PRSS54: variants seen among roughly 807,000 people sequenced by gnomAD.
PRSS54 encodes the protein serine protease 54, also known as inactive serine protease 54.
In PRSS54, 16 loss-of-function variants were observed where a neutral mutation model predicts 19.9. The observed-to-expected ratio is 0.80, with a 90% CI of 0.54 to 1.22. The LOEUF is 1.22. PRSS54 is among the 50% of genes most tolerant of loss of function. PRSS54 has a pLI of 0.00. For synonymous variants in PRSS54, 177 were observed against 195.8 expected (o/e 0.90, Z 0.80); for missense variants, 444 against 494.8 (o/e 0.90, Z 0.97).
At position 58,285,955 on chromosome 16, in the gene PRSS54, T is replaced by C; in HGVS notation, c.504A>G (p.Gly168=). 6.2e-7 allele frequency: 1 copy of C among 1,614,156 alleles called. No homozygotes were observed. The change falls in exon 5 of 7, where the codon GGA becomes GGG. Residue 168 remains glycine, a synonymous_variant. Transcript: ENST00000567164. ...PPVLQNCWVS[G]WNPTSATGNH... ...CCTTAACTGCAGATGTGGGATTCCA[T>C]CCTGACACCCAGCAGTTCTGCAAGA...
rs1473874434 is a variant in PRSS54 at position 58,293,732 on chromosome 16, T to A, written c.85A>T (p.Ser29Cys). 2.5e-6 allele frequency: 4 copies of A among 1,612,006 alleles called. No individual in the cohort carries two copies. The highest frequency in any genetic ancestry group is 1.3e-5 in the African/African-American group (1 of 74,842). The change falls in exon 3 of 7, where the codon AGT (serine) becomes TGT (cysteine). Residue 29 changes from serine to cysteine, a missense_variant and splice_region_variant. Coordinates refer to ENST00000567164, the MANE Select transcript of PRSS54 (RefSeq NM_001305173.2). ...AGAGGGAGGAAAGCAGCACACTCAC[T>A]GGTGGAAGAATAGAGAAGGCCGAGC... ...VLLGLLYSST[S>C]CGVQKASVFY...
chr16:58,293,641 T>C, intron 3 of PRSS54, 91 bp downstream of exon 3: 1 of 1,544,934 alleles, frequency 6.5e-7, no homozygotes, highest in Non-Finnish European at 8.7e-7. Context: ...AGCCCCTCCT[T>C]GGACATTAAG....
chr16:58,289,588 T>TG (rs1964993047), intron 4 of PRSS54, among the ~76,000 whole-genome samples: 1 of 151,516 alleles, frequency 6.6e-6, no homozygotes, highest in Non-Finnish European at 1.5e-5. Flanking sequence ...TTTTTTTTTT[T>TG]GGACATGGAA....
rs145245937 is a variant in PRSS54 at position 58,288,423 on chromosome 16, C to CAA, written c.264-2230_264-2229dup. 3.3e-5 allele frequency among the ~76,000 whole-genome samples: 5 copies of CAA among 150,328 alleles called. No individual in the cohort carries two copies. The South Asian group carries it at 8.4e-4, about 25-fold the overall frequency. ...CCTAGGCAACAGAGCAAGATTGTCT[C>CAA]AAAAAAAAATTAAATTATATAAAAT... On this transcript the variant is annotated intron_variant, in intron 4 of 6. Transcript: ENST00000567164.
intron 3 of PRSS54, among the ~76,000 whole-genome samples, chr16:58,292,549 C>A (rs561836844): frequency 1.2e-5 from 1 of 82,088 alleles, no homozygotes; most frequent in East Asian, 2.8e-4. Flanking sequence ...GCACAGAGGA[C>A]CTCTCCATGA....
At chr16:58,288,955 G>A (rs1439546090) in intron 4 of PRSS54, among the ~76,000 whole-genome samples, 2 of 152,288 alleles carry the variant, frequency 1.3e-5, no homozygotes, top group East Asian at 3.9e-4. Context: ...GAACTCAATT[G>A]CGTTCTCTTG....
At chr16:58,285,564 C>A (rs1051935319) in intron 5 of PRSS54, among the ~76,000 whole-genome samples, 1 of 151,838 alleles carries the variant, frequency 6.6e-6, no homozygotes, top group African/African-American at 2.4e-5. Flanking sequence ...TAGCAAGACC[C>A]CATTTCCACA....
In PRSS54 at chr16:58,290,973, G is replaced by A. The variant is rs368096228; in HGVS notation, c.249C>T (p.Ser83=). The A allele has an allele frequency of 7.4e-6, 12 of 1,614,188 alleles. No individual in the cohort carries two copies. Among genetic ancestry groups the A allele is most frequent in the South Asian group, 5.5e-5 (5 of 91,084 alleles). ...LSEFWVLSIA[S]AIQNRKDIVV... is the part of the protein sequence containing the mutation. ...GGGGCACTGGCCTGTTCTGAATGGC[G>A]GATGCGATGCTGAGGACCCAGAACT... The change falls in exon 4 of 7, where the codon TCC becomes TCT. Residue 83 remains serine (S), a synonymous_variant. Transcript: ENST00000567164.
chr16:58,286,205 GAGCAAGGGAATCTTGAGAAGCCAAGAC>G lies in PRSS54; in HGVS notation c.264-37_264-11del. 2 of 1,612,846 alleles carry G rather than the reference GAGCAAGGGAATCTTGAGAAGCCAAGAC, an allele frequency of 1.2e-6. No homozygotes were observed. The highest frequency in any genetic ancestry group is 1.7e-6 in the Non-Finnish European group (2 of 1,178,990). On this transcript the variant is annotated splice_polypyrimidine_tract_variant and intron_variant, in intron 4 of 6. Coordinates refer to ENST00000567164, the MANE Select transcript of PRSS54 (RefSeq NM_001305173.2). ...AACGACAATGTCCTTCCTGGAGAGA[GAGCAAGGGAATCTTGAGAAGCCAAGAC>G]AGCAAGGAAGCTTCACGCTTCCCTG...
intron 1 of PRSS54, among the ~76,000 whole-genome samples, chr16:58,294,461 CT>C (rs1434127510): frequency 1.3e-5 from 2 of 152,212 alleles, no homozygotes; most frequent in Non-Finnish European, 2.9e-5. Context: ...AGCGATTTTC[CT>C]GCCTCAGCTT....
intron 4 of PRSS54, among the ~76,000 whole-genome samples, chr16:58,287,608 T>A (rs1196859939): frequency 6.6e-6 from 1 of 152,236 alleles, no homozygotes; most frequent in African/African-American, 2.4e-5. Flanking sequence ...TTATGCATGT[T>A]GGCCAAAACC....
At chr16:58,284,545 A>G in intron 6 of PRSS54, 45 bp downstream of exon 6, 4 of 1,611,308 alleles carry the variant, frequency 2.5e-6, no homozygotes, top group Non-Finnish European at 3.4e-6. Flanking sequence ...GGATGTGACC[A>G]AGGCTTACTC....
rs1389808268 is a variant in PRSS54, at chr16:58,293,743, T to C, written c.74A>G (p.Tyr25Cys). The C allele has an allele frequency of 3.7e-6, 6 of 1,612,578 alleles. No individual in the cohort carries two copies. The highest frequency in any genetic ancestry group is 1.7e-5 in the Admixed American group (1 of 59,854). Residue 25 changes from tyrosine to cysteine, a missense_variant, in exon 3 of 7, where the codon TAT becomes TGT. Transcript: ENST00000567164. ...AGCAGCACACTCACTGGTGGAAGAA[T>C]AGAGAAGGCCGAGCAGCACCAGGAG... is the stretch of plus-strand genomic sequence containing the variant. ...GVLLVLLGLL[Y>C]SSTSCGVQKA...
intron 3 of PRSS54, among the ~76,000 whole-genome samples, chr16:58,291,775 G>A (rs925015064): frequency 3.3e-5 from 5 of 151,766 alleles, no homozygotes; most frequent in African/African-American, 4.8e-5. Flanking sequence ...GAGCCACTGC[G>A]CCCAACTTTA....
intron 4 of PRSS54, 135 bp from the exon 5 acceptor site, chr16:58,286,330 C>A: frequency 1.1e-6 from 1 of 886,352 alleles, no homozygotes; most frequent in Non-Finnish European, 1.7e-6. Context: ...CTTCCTCACC[C>A]CTTTGGACTC....
intron 4 of PRSS54, 94 bp downstream of exon 4, chr16:58,290,865 A>G (rs969311284): frequency 1.4e-6 from 2 of 1,398,958 alleles, no homozygotes; most frequent in Non-Finnish European, 2.0e-6. Context: ...CCCAGAATGC[A>G]CCTTTCAGGG....
At position 58,291,119 on chromosome 16, in the gene PRSS54, C is replaced by G. The variant is rs768356639; in HGVS notation, c.103G>C (p.Ala35Pro). The G allele has an allele frequency of 6.2e-7, 1 of 1,614,016 alleles. No homozygotes were observed. The change falls in exon 4 of 7, where the codon GCT (alanine) becomes CCT (proline). Residue 35 changes from alanine (A) to proline (P), a missense_variant. By Grantham distance (27) the Ala-to-Pro change is conservative. Transcript: ENST00000567164. ...YSSTSCGVQK[A>P]SVFYGPDPKE... ...GGGTCAGGACCGTAGAAAACGGAAG[C>G]TTTCTGGACGCCACAACCTGCGGAG...
intron 6 of PRSS54, chr16:58,282,427 T>C (rs558375357): frequency 1.3e-5 from 2 of 152,422 alleles, no homozygotes; most frequent in South Asian, 4.1e-4. Flanking sequence ...TGAACTACCA[T>C]GCCCAGTGGG....
At chr16:58,281,672 G>A (rs1020002989) in intron 6 of PRSS54, 1 of 152,270 alleles carries the variant, frequency 6.6e-6, no homozygotes, top group Non-Finnish European at 1.5e-5. Flanking sequence ...CTGGCTGGAA[G>A]GCCCAGGCAA....
Sources: allele counts gnomAD v4.1 joint callset (sites outside exome capture counted in the v4.1 genomes callset), GRCh38; gene constraint gnomAD v4.1.1; transcripts MANE v1.5; gene names NCBI Gene and HGNC (gene_info 2026-07-23, HGNC 2026-07-21).